The following TNIK variants were observed in gnomAD, a reference collection of about 807,000 sequenced individuals.
TNIK encodes the protein TRAF2 and NCK-interacting protein kinase.
TNIK carries 49 observed loss-of-function variants against 191.3 expected under a neutral mutation model. That is an observed-to-expected ratio of 0.26 (90% confidence interval 0.20 to 0.32). The LOEUF (loss-of-function observed/expected upper bound fraction) is 0.32, where lower values mean the gene tolerates loss of function less well. TNIK is among the 10% of genes least tolerant of loss of function. TNIK has a pLI of 1.00. For missense variants in TNIK, 1,155 were observed against 1,702.3 expected (o/e 0.68, Z 5.66); for synonymous variants, 594 against 600.9 (o/e 0.99, Z 0.17).
intron 9 of TNIK, among the ~76,000 whole-genome samples, chr3:171,174,497 A>G (rs565321023): frequency 6.6e-6 from 1 of 152,366 alleles, no homozygotes; most frequent in Middle Eastern, 3.4e-3. Context: ...AATTTTGGTT[A>G]TGGAATAATA....
intron 2 of TNIK, among the ~76,000 whole-genome samples, chr3:171,268,499 C>A (rs1248369356): frequency 2.0e-5 from 3 of 151,954 alleles, no homozygotes; most frequent in Admixed American, 1.3e-4. Flanking sequence ...CAGAATTGAA[C>A]CCTGTTCTAT....
intron 2 of TNIK, among the ~76,000 whole-genome samples, chr3:171,293,786 A>C (rs1751954989): frequency 6.6e-6 from 1 of 152,238 alleles, no homozygotes; most frequent in East Asian, 1.9e-4. Flanking sequence ...CTTGATTTAA[A>C]GAAAAATAAT....
chr3:171,111,023 G>C, intron 18 of TNIK, 146 bp from the exon 19 acceptor site: 1 of 787,000 alleles, frequency 1.3e-6, no homozygotes, highest in Non-Finnish European at 1.8e-6. Flanking sequence ...AATTAAAAAT[G>C]GGGAAAGGAC....
At chr3:171,090,842 CATGAGTGTT>C (rs1011543387) in intron 23 of TNIK, among the ~76,000 whole-genome samples, 1 of 152,160 alleles carries the variant, frequency 6.6e-6, no homozygotes, top group African/African-American at 2.4e-5. Flanking sequence ...CTGACAGGAT[CATGAGTGTT>C]AGAGTGGTAT....
intron 28 of TNIK, among the ~76,000 whole-genome samples, chr3:171,074,714 ATTTTATAT>A (rs1719670256): frequency 6.6e-6 from 1 of 152,108 alleles, no homozygotes; most frequent in African/African-American, 2.4e-5. Context: ...TTTTATTCTC[ATTTTATAT>A]TTTTAAAATT....
intron 1 of TNIK, among the ~76,000 whole-genome samples, chr3:171,442,072 G>C (rs1229392885): frequency 6.6e-6 from 1 of 152,156 alleles, no homozygotes; most frequent in Non-Finnish European, 1.5e-5. Flanking sequence ...TCAAAGGGGA[G>C]TTATTAAGGA....
At chr3:171,360,058 T>G (rs1408548278) in intron 2 of TNIK, among the ~76,000 whole-genome samples, 2 of 152,210 alleles carry the variant, frequency 1.3e-5, no homozygotes, top group Non-Finnish European at 2.9e-5. Context: ...GAAAGTATTT[T>G]GGACTAAAGC....
chr3:171,405,509 A>T (rs1419632995), intron 1 of TNIK, among the ~76,000 whole-genome samples: 2 of 9,778 alleles, frequency 2.0e-4, no homozygotes, highest in Non-Finnish European at 7.5e-4. Flanking sequence ...CAAATCTGGT[A>T]AAAAAAAAAA....
At chr3:171,204,611 A>G (rs1456459367) in intron 4 of TNIK, among the ~76,000 whole-genome samples, 1 of 152,234 alleles carries the variant, frequency 6.6e-6, no homozygotes, top group East Asian at 1.9e-4. Context: ...ATTTGATAAA[A>G]CATTCCCAAA....
In TNIK at chr3:171,194,742, C is replaced by A. The variant is rs191816587; in HGVS notation, c.307-107G>T. ...TGGCTGCTTTGGAATGCCATTCCTG[C>A]AAAGAAAAAGTTATCATAAAACAAT... is the stretch of plus-strand genomic sequence containing the variant. On this transcript the variant is annotated intron_variant, in intron 4 of 32. Transcript: ENST00000436636. 2,709 of 898,364 alleles carry A rather than the reference C, an allele frequency of 3.0e-3. 7 individuals are homozygous for A. The highest frequency in any genetic ancestry group is 3.9e-3 in the Non-Finnish European group (2,197 of 569,442). 55.6% of individuals were successfully genotyped at this position (898,364 alleles called of 1,614,324 possible).
chr3:171,141,268 C>T (rs1576942726), intron 12 of TNIK, among the ~76,000 whole-genome samples: 1 of 152,140 alleles, frequency 6.6e-6, no homozygotes, highest in Non-Finnish European at 1.5e-5. Context: ...TCACTATTAT[C>T]TCCATTTTAT....
chr3:171,202,140 T>C (rs1371075526), intron 4 of TNIK, among the ~76,000 whole-genome samples: 1 of 152,136 alleles, frequency 6.6e-6, no homozygotes, highest in Non-Finnish European at 1.5e-5. Context: ...TTACGGACAT[T>C]AGCTGCATCT....
chr3:171,377,902 A>G lies in TNIK; in HGVS notation c.58-8217T>C, dbSNP rs564061220. Reference sequence around the variant, plus strand: ...GGTTCATAGTAGAGCCAGGATTCAAATCCAGGTATTTTGAATCCAAGTCCA... The same window carrying G: ...GGTTCATAGTAGAGCCAGGATTCAAGTCCAGGTATTTTGAATCCAAGTCCA... On this transcript the variant is annotated intron_variant, in intron 1 of 32. Transcript: ENST00000436636. Among the ~76,000 whole-genome samples, 6 of 152,344 alleles carry G rather than the reference A, an allele frequency of 3.9e-5. No homozygotes were observed. The South Asian group carries it at 1.2e-3, about 32-fold the overall frequency.
intron 1 of TNIK, among the ~76,000 whole-genome samples, chr3:171,432,465 T>A (rs952313184): frequency 1.3e-5 from 2 of 152,174 alleles, no homozygotes; most frequent in African/African-American, 4.8e-5. Context: ...GCAAAATAAC[T>A]GAAAACAAAC....
At chr3:171,368,940 T>G (rs1385569318) in intron 2 of TNIK, among the ~76,000 whole-genome samples, 5 of 39,316 alleles carry the variant, frequency 1.3e-4, no homozygotes, top group Non-Finnish European at 3.6e-4. Flanking sequence ...TCATTTTTTT[T>G]GTTTTTTTTT....
intron 28 of TNIK, among the ~76,000 whole-genome samples, chr3:171,071,560 C>T (rs1719181238): frequency 2.6e-5 from 4 of 152,126 alleles, no homozygotes; most frequent in Admixed American, 2.6e-4. Context: ...GACTTTTCAT[C>T]ATCCAGAGAT....
At chr3:171,421,694 G>C (rs545106567) in intron 1 of TNIK, among the ~76,000 whole-genome samples, 1 of 148,332 alleles carries the variant, frequency 6.7e-6, no homozygotes, top group African/African-American at 2.5e-5. Context: ...TGAATAAGAA[G>C]ACCTAGCTCT....
chr3:171,213,391 C>G (rs1031819023), intron 3 of TNIK, among the ~76,000 whole-genome samples: 1 of 152,072 alleles, frequency 6.6e-6, no homozygotes, highest in Admixed American at 6.6e-5. Context: ...ATAAAAGACA[C>G]GGATCACTTT....
Position 171,460,401 on chromosome 3 carries a change from G to GTTA in TNIK, c.-341_-339dup, listed in dbSNP as rs1368064056. 20 of 398,514 alleles carry GTTA rather than the reference G, an allele frequency of 5.0e-5. No individual in the cohort carries two copies. Among genetic ancestry groups the GTTA allele is most frequent in the Non-Finnish European group, 7.4e-5 (16 of 217,270 alleles). 24.7% of individuals were successfully genotyped at this position (398,514 alleles called of 1,614,324 possible). A position where few individuals can be genotyped will look rare whatever the true frequency, so the allele number is the denominator to read the frequency against. ...TGCGTGGATGGCGGCTGCATTGGCT[G>GTTA]TTATAATGAGACACATCAACTCCTC... is the stretch of plus-strand genomic sequence containing the variant. On this transcript the variant is annotated 5_prime_UTR_variant, in exon 1 of 33. Coordinates refer to ENST00000436636, the MANE Select transcript of TNIK (RefSeq NM_015028.4). This position sits in a 1 kb window ranked among gnomAD's most constrained non-coding sequence, Gnocchi z 6.8.
Sources: gnomAD v4.1 joint callset for allele counts (sites outside exome capture counted in the v4.1 genomes callset) on GRCh38, gnomAD v4.1.1 for gene constraint, Gnocchi (gnomAD v3.1) non-coding constraint, MANE v1.5 for transcripts, NCBI Gene and HGNC (gene_info 2026-07-23, HGNC 2026-07-21) for gene names.